The following PAPSS2 variants were observed in gnomAD, a reference collection of about 807,000 sequenced individuals.
PAPSS2 encodes bifunctional 3'-phosphoadenosine 5'-phosphosulfate synthase 2.
PAPSS2 carries 61 observed loss-of-function variants against 66.5 expected under a neutral mutation model. The ratio of observed to expected loss-of-function variants is 0.92; its 90% confidence interval spans 0.75 to 1.14. The LOEUF is 1.14. PAPSS2 is among the 50% of genes most tolerant of loss of function. PAPSS2 has a pLI of 0.00. For missense variants in PAPSS2, 708 were observed against 789.6 expected, an observed-to-expected ratio of 0.90 and a Z score of 1.24; for synonymous variants, 289 against 287.5, an observed-to-expected ratio of 1.01 and a Z score of -0.05.
chr10:87,735,757 CA>C (rs1423850606), intron 9 of PAPSS2, among the ~76,000 whole-genome samples: 1 of 152,144 alleles, frequency 6.6e-6, no homozygotes, highest in East Asian at 1.9e-4. Context: ...CACCAGATGC[CA>C]ATAGCACTTC....
intron 1 of PAPSS2, among the ~76,000 whole-genome samples, chr10:87,672,179 C>A (rs188263259): frequency 6.6e-6 from 1 of 152,224 alleles, no homozygotes; most frequent in Admixed American, 6.5e-5. Context: ...CAGTAGAGAC[C>A]ACTTGAGTTT....
chr10:87,693,637 G>T (rs565169195), intron 1 of PAPSS2, among the ~76,000 whole-genome samples: 1 of 152,312 alleles, frequency 6.6e-6, no homozygotes, highest in East Asian at 1.9e-4. Context: ...CAGTTCGGTC[G>T]TTTATTTAGA....
At chr10:87,675,977 T>TC (rs1564709286) in intron 1 of PAPSS2, among the ~76,000 whole-genome samples, 1 of 147,938 alleles carries the variant, frequency 6.8e-6, no homozygotes, top group African/African-American at 2.5e-5. Context: ...ATTTCTTTTT[T>TC]TTTTTTTTTT....
intron 8 of PAPSS2, among the ~76,000 whole-genome samples, chr10:87,723,440 A>G (rs536733193): frequency 6.6e-6 from 1 of 151,160 alleles, no homozygotes; most frequent in Admixed American, 6.6e-5. Context: ...GAGGAAACTG[A>G]GTTTAGAAAA....
At position 87,687,192 on chromosome 10, in the gene PAPSS2, C is replaced by G. The variant is rs151122632; in HGVS notation, c.28-22004C>G. ...GCAGGCCTTGTGTGTGTCCCTTTCA[C>G]CACTATCCCCACAGCCCCAAGTACA... On this transcript the variant is annotated intron_variant, in intron 1 of 12. Coordinates refer to ENST00000456849, the MANE Select transcript of PAPSS2 (RefSeq NM_001015880.2). Among the ~76,000 whole-genome samples the G allele has an allele frequency of 5.2e-3, 787 of 152,200 alleles. 9 individuals are homozygous for G. Among genetic ancestry groups the G allele is most frequent in the African/African-American group, 0.018 (744 of 41,516 alleles).
chr10:87,721,075 T>C (rs578021525), intron 7 of PAPSS2, among the ~76,000 whole-genome samples: 1 of 152,332 alleles, frequency 6.6e-6, no homozygotes, highest in South Asian at 2.1e-4. Flanking sequence ...ACTCTGCATA[T>C]ATCACCAGCA....
In PAPSS2 at chr10:87,742,995, C is replaced by T. The variant is rs571314837; in HGVS notation, c.1223-378C>T. On this transcript the variant is annotated intron_variant, in intron 10 of 12. Coordinates refer to ENST00000456849, the MANE Select transcript of PAPSS2 (RefSeq NM_001015880.2). ...GTGCAGTGGCTTACGCCTGTAATCC[C>T]AACACTTTGGGAGGCTGAGGCAGGC... is the stretch of plus-strand genomic sequence containing the variant. 2.0e-5 allele frequency among the ~76,000 whole-genome samples: 3 copies of T among 152,332 alleles called. No homozygotes were observed. In the South Asian group the frequency reaches 6.2e-4, roughly 32 times the overall value.
Position 87,660,310 on chromosome 10 carries a change from G to C in PAPSS2, c.27+302G>C, listed in dbSNP as rs1035761303. ...GTCCGGATCTAGATCCAGGACCAGGGACAGGAAATCCCCTTTCTTTCCCAA... is the reference window on the plus strand; with the variant it reads ...GTCCGGATCTAGATCCAGGACCAGGCACAGGAAATCCCCTTTCTTTCCCAA... On this transcript the variant is annotated intron_variant, in intron 1 of 12. Coordinates refer to ENST00000456849, the MANE Select transcript of PAPSS2 (RefSeq NM_001015880.2). The C allele has an allele frequency of 2.1e-5, 12 of 559,828 alleles. No homozygotes were observed. The Admixed American group carries it at 3.7e-4, about 17-fold the overall frequency. The allele number at this position is 559,828 out of a possible 1,614,324, so 34.7% of individuals were successfully genotyped here. A position where few individuals can be genotyped will look rare whatever the true frequency, so the allele number is the denominator to read the frequency against.
rs1318770191 is a variant in PAPSS2, at chr10:87,714,872, A to G, written c.639+9A>G. The G allele has an allele frequency of 6.5e-7, 1 of 1,541,760 alleles. No individual in the cohort carries two copies. The highest frequency in any genetic ancestry group is 9.0e-7 in the Non-Finnish European group (1 of 1,113,912). On this transcript the variant is annotated intron_variant, in intron 5 of 12. Coordinates refer to ENST00000456849, the MANE Select transcript of PAPSS2 (RefSeq NM_001015880.2). ...AACTTCTGCAAGAGCAGGTAGGTGA[A>G]CCGGTTGTCTTTTTTTATATGTTTA...
At chr10:87,688,332 C>T (rs1034397268) in intron 1 of PAPSS2, among the ~76,000 whole-genome samples, 126 of 151,816 alleles carry the variant, frequency 8.3e-4, no homozygotes, top group African/African-American at 3.0e-3. Flanking sequence ...ATTATAAATT[C>T]GTCAAATCTC....
At chr10:87,661,228 G>C (rs1256763880) in intron 1 of PAPSS2, among the ~76,000 whole-genome samples, 1 of 152,042 alleles carries the variant, frequency 6.6e-6, no homozygotes, top group Non-Finnish European at 1.5e-5. Flanking sequence ...TGAGCAGCAA[G>C]AGAACAGGGT....
intron 1 of PAPSS2, among the ~76,000 whole-genome samples, chr10:87,708,887 T>C (rs1032486518): frequency 6.6e-6 from 1 of 152,180 alleles, no homozygotes; most frequent in Non-Finnish European, 1.5e-5. Flanking sequence ...AATTTAAAAA[T>C]AATTATTTTA....
intron 1 of PAPSS2, among the ~76,000 whole-genome samples, chr10:87,698,467 C>T (rs1202497793): frequency 6.6e-6 from 1 of 152,080 alleles, no homozygotes; most frequent in African/African-American, 2.4e-5. Flanking sequence ...AATCATTTCT[C>T]TCAATTTTCA....
chr10:87,746,197 T>A lies in PAPSS2; in HGVS notation c.*227T>A. On this transcript the variant is annotated 3_prime_UTR_variant, in exon 13 of 13. Transcript: ENST00000456849. ...TTAGCAGGTAAAAGCAATATTCTTATACATTTCATAATAAAATTAGCTCTA... is the reference window on the plus strand; with the variant it reads ...TTAGCAGGTAAAAGCAATATTCTTAAACATTTCATAATAAAATTAGCTCTA... 3.0e-6 allele frequency: 1 copy of A among 329,036 alleles called. No homozygotes were observed. The highest frequency in any genetic ancestry group is 4.9e-5 in the South Asian group (1 of 20,448). 20.4% of individuals were successfully genotyped at this position (329,036 alleles called of 1,614,324 possible).
intron 7 of PAPSS2, among the ~76,000 whole-genome samples, chr10:87,719,129 T>C (rs1273942732): frequency 2.0e-5 from 3 of 152,124 alleles, no homozygotes; most frequent in Admixed American, 1.3e-4. Flanking sequence ...TGTAAATTGA[T>C]AATAAAAATA....
In PAPSS2 at chr10:87,726,706, C is replaced by T. The variant is rs559743834; in HGVS notation, c.881-578C>T. ...ATTAGTATTAAAAAAGACAAACACA[C>T]AGCTGTCATAAGTAACTTATTATAC... On this transcript the variant is annotated intron_variant, in intron 8 of 12. Coordinates refer to ENST00000456849, the MANE Select transcript of PAPSS2 (RefSeq NM_001015880.2). Among the ~76,000 whole-genome samples the T allele has an allele frequency of 7.2e-5, 11 of 152,282 alleles. 1 individual carries two copies. Among genetic ancestry groups the T allele is most frequent in the African/African-American group, 2.6e-4 (11 of 41,564 alleles).
chr10:87,743,183 T>A (rs929136086), intron 10 of PAPSS2, among the ~76,000 whole-genome samples, 190 bp from the exon 11 acceptor site: 2 of 151,252 alleles, frequency 1.3e-5, no homozygotes, highest in Non-Finnish European at 2.9e-5. Flanking sequence ...GAGGCGGAGG[T>A]TGCAGTGACC....
intron 1 of PAPSS2, among the ~76,000 whole-genome samples, chr10:87,684,120 G>A (rs1240263569): frequency 6.6e-6 from 1 of 152,162 alleles, no homozygotes; most frequent in Non-Finnish European, 1.5e-5. Context: ...ACAAAATGCA[G>A]CAAAATAAAG....
intron 1 of PAPSS2, among the ~76,000 whole-genome samples, chr10:87,684,015 T>A (rs1361688382): frequency 2.0e-5 from 3 of 152,190 alleles, no homozygotes; most frequent in Non-Finnish European, 2.9e-5. Context: ...TATCCTGCAT[T>A]TACTCCATAC....
Sources: allele counts gnomAD v4.1 joint callset (sites outside exome capture counted in the v4.1 genomes callset), GRCh38; gene constraint gnomAD v4.1.1; transcripts MANE v1.5; gene names NCBI Gene and HGNC (gene_info 2026-07-23, HGNC 2026-07-21).